KALRN: variants seen among roughly 807,000 people sequenced by gnomAD.
KALRN encodes the protein kalirin RhoGEF kinase.
A neutral mutation model predicts 353.7 loss-of-function variants in KALRN; 70 were observed. The ratio of observed to expected loss-of-function variants is 0.20; its 90% CI spans 0.16 to 0.24. The LOEUF (loss-of-function observed/expected upper bound fraction) is 0.24, where lower values mean the gene tolerates loss of function less well. KALRN is among the 10% of genes least tolerant of loss of function. The pLI is 1.00. For missense variants in KALRN, 2,791 were observed against 3,756.7 expected, an observed-to-expected ratio of 0.74 and a Z score of 6.72; for synonymous variants, 1,391 against 1,434.8, an observed-to-expected ratio of 0.97 and a Z score of 0.69.
intron 32 of KALRN, among the ~76,000 whole-genome samples, chr3:124,495,997 A>G (rs1426444925): frequency 3.3e-5 from 2 of 60,598 alleles, no homozygotes; most frequent in Non-Finnish European, 5.4e-5. Flanking sequence ...ATATATATAT[A>G]TATATATATA....
At chr3:124,077,570 G>T (rs1188016631) in intron 1 of KALRN, among the ~76,000 whole-genome samples, 1 of 151,828 alleles carries the variant, frequency 6.6e-6, no homozygotes, top group African/African-American at 2.4e-5. Context: ...ATCCTTAATT[G>T]TCCCCGCTCT....
chr3:124,042,292 T>TGGGCATCTATGGGGTGGGGGCACAA (rs2040034338), intron 1 of KALRN, among the ~76,000 whole-genome samples: 1 of 152,180 alleles, frequency 6.6e-6, no homozygotes, highest in African/African-American at 2.4e-5. Flanking sequence ...TATCAAATAT[T>TGGGCATCTATGGGGTGGGGGCACAA]TACTAGGCTC....
intron 10 of KALRN, among the ~76,000 whole-genome samples, chr3:124,359,342 A>G (rs998762374): frequency 1.3e-5 from 2 of 152,212 alleles, no homozygotes; most frequent in African/African-American, 4.8e-5. Context: ...ATGTTCTAGC[A>G]CAAAATGGTG....
At chr3:124,615,995 A>G (rs532753342) in intron 34 of KALRN, among the ~76,000 whole-genome samples, 1 of 152,320 alleles carries the variant, frequency 6.6e-6, no homozygotes, top group Admixed American at 6.5e-5. Context: ...GCCTCCTATT[A>G]CATTAAGTCC....
At chr3:124,457,412 CCTT>C (rs1241466573) in intron 23 of KALRN, among the ~76,000 whole-genome samples, 2 of 152,180 alleles carry the variant, frequency 1.3e-5, no homozygotes, top group Non-Finnish European at 2.9e-5. Context: ...GTGTCACTAA[CCTT>C]CTAGTTTTGT....
chr3:124,101,814 TA>T (rs2061889336), intron 1 of KALRN, among the ~76,000 whole-genome samples: 1 of 152,150 alleles, frequency 6.6e-6, no homozygotes, highest in South Asian at 2.1e-4. Context: ...TCAGACTTGG[TA>T]TCTGTGCTTA....
intron 37 of KALRN, among the ~76,000 whole-genome samples, chr3:124,649,338 G>T (rs1378785165): frequency 6.6e-6 from 1 of 152,206 alleles, no homozygotes; most frequent in Non-Finnish European, 1.5e-5. Context: ...TGAAGGCCAA[G>T]CTGAAGCCTT....
At chr3:124,711,917 GTTT>G (rs2062906524) in intron 57 of KALRN, among the ~76,000 whole-genome samples, 2 of 152,156 alleles carry the variant, frequency 1.3e-5, no homozygotes, top group Non-Finnish European at 2.9e-5. Flanking sequence ...ATATTAGAAA[GTTT>G]CCATAATAAG....
Position 124,580,645 on chromosome 3 carries a change from T to G in KALRN, c.5182+17556T>G, listed in dbSNP as rs946769478. Reference sequence around the variant, plus strand: ...ATGTGGATTCACTTTTCTCTCACATTCATGATGAGTCTGTCCTAGTAGCTA... The same window carrying G: ...ATGTGGATTCACTTTTCTCTCACATGCATGATGAGTCTGTCCTAGTAGCTA... On this transcript the variant is annotated intron_variant, in intron 34 of 59. Coordinates refer to ENST00000682506, the MANE Select transcript of KALRN (RefSeq NM_001388419.1). Among the ~76,000 whole-genome samples the G allele has an allele frequency of 1.8e-4, 28 of 152,170 alleles. 1 individual carries two copies. Among genetic ancestry groups the G allele is most frequent in the African/African-American group, 6.3e-4 (26 of 41,434 alleles).
chr3:124,052,167 A>G (rs1286429414), intron 1 of KALRN, among the ~76,000 whole-genome samples: 1 of 152,150 alleles, frequency 6.6e-6, no homozygotes, highest in Non-Finnish European at 1.5e-5. Context: ...AGTCCTCCTG[A>G]TGCCAGAACT....
intron 16 of KALRN, 94 bp from the exon 17 acceptor site, chr3:124,434,213 T>A (rs2093385741): frequency 1.2e-6 from 1 of 811,450 alleles, no homozygotes; most frequent in Non-Finnish European, 2.0e-6. Context: ...CTCTTTAACT[T>A]CTCTGCATCT....
chr3:124,082,306 G>A (rs1300772512), intron 1 of KALRN: 6 of 470,912 alleles, frequency 1.3e-5, no homozygotes, highest in Non-Finnish European at 2.6e-5. Context: ...ATCTCCAAGG[G>A]AAAAGTTGCT....
chr3:124,203,017 T>C (rs531748234), intron 1 of KALRN, among the ~76,000 whole-genome samples: 30 of 152,280 alleles, frequency 2.0e-4, no homozygotes, highest in African/African-American at 6.7e-4. Context: ...TTGCTCAAGT[T>C]CCATTAATGT....
intron 10 of KALRN, among the ~76,000 whole-genome samples, chr3:124,368,306 G>A (rs1342394069): frequency 1.4e-5 from 2 of 147,640 alleles, no homozygotes; most frequent in Non-Finnish European, 3.0e-5. Flanking sequence ...CTTCCCAGAT[G>A]GGGTGGCTGC....
At chr3:124,387,095 C>T (rs588800) in intron 11 of KALRN, among the ~76,000 whole-genome samples, 1 of 151,958 alleles carries the variant, frequency 6.6e-6, no homozygotes, top group Non-Finnish European at 1.5e-5. Flanking sequence ...TTTCTAAACC[C>T]CAAATCAGGG....
chr3:124,347,371 C>CTGTGTGTGTG lies in KALRN; in HGVS notation c.1770+130_1770+139dup, dbSNP rs10663884. 5,422 of 564,076 alleles carry CTGTGTGTGTG rather than the reference C, an allele frequency of 9.6e-3. 1,027 individuals are homozygous for CTGTGTGTGTG. In the African/African-American group the frequency reaches 0.15, roughly 15 times the overall value. 34.9% of individuals were successfully genotyped at this position (564,076 alleles called of 1,614,324 possible). ...TTGAAGAGGTGGCTCAGGTGAGAAG[C>CTGTGTGTGTG]TGTGTGTGTGTGTGTGTGTGTGTGT... is the stretch of plus-strand genomic sequence containing the variant. On this transcript the variant is annotated intron_variant, in intron 10 of 59. Transcript: ENST00000682506.
chr3:124,179,399 C>G (rs2073246642), intron 1 of KALRN, among the ~76,000 whole-genome samples: 1 of 152,162 alleles, frequency 6.6e-6, no homozygotes, highest in South Asian at 2.1e-4. Flanking sequence ...ACTGGAAGGT[C>G]TTCAGGGGCA....
chr3:124,278,745 C>T (rs568994268), intron 5 of KALRN, among the ~76,000 whole-genome samples: 3 of 152,088 alleles, frequency 2.0e-5, no homozygotes, highest in Non-Finnish European at 4.4e-5. Context: ...CTTCTATTTC[C>T]TGTCCTCTCC....
chr3:124,353,606 T>G (rs749865733), intron 10 of KALRN, among the ~76,000 whole-genome samples: 4 of 152,174 alleles, frequency 2.6e-5, no homozygotes, highest in Non-Finnish European at 5.9e-5. Context: ...TGCAGTGACC[T>G]TCACAGTAAG....
Sources: gnomAD v4.1 joint callset for allele counts (sites outside exome capture counted in the v4.1 genomes callset) on GRCh38, gnomAD v4.1.1 for gene constraint, MANE v1.5 for transcripts, NCBI Gene and HGNC (gene_info 2026-07-23, HGNC 2026-07-21) for gene names.